The following ARID2 variants were observed in gnomAD, a reference collection of about 807,000 sequenced individuals.
The protein encoded by ARID2 is AT-rich interactive domain-containing protein 2.
ARID2 carries 32 observed loss-of-function variants against 184.6 expected under a neutral mutation model. The ratio of observed to expected loss-of-function variants is 0.17; its 90% confidence interval spans 0.13 to 0.23. The LOEUF (loss-of-function observed/expected upper bound fraction) is 0.23. Ranked by LOEUF, ARID2 falls within the 10% of genes least tolerant of loss-of-function variation. The pLI is 1.00. For synonymous variants in ARID2, 836 were observed against 772.6 expected (o/e 1.08, Z -1.36); for missense variants, 1,696 against 2,197.6 (o/e 0.77, Z 4.56).
intron 10 of ARID2, 37 bp from the exon 11 acceptor site, chr12:45,839,292 T>A (rs749545362): frequency 6.5e-7 from 1 of 1,542,944 alleles, no homozygotes; most frequent in Admixed American, 1.9e-5. Flanking sequence ...ATTTATAATA[T>A]TATTGACTAA....
intron 15 of ARID2, among the ~76,000 whole-genome samples, chr12:45,857,767 C>T (rs564510971): frequency 1.3e-5 from 2 of 152,170 alleles, no homozygotes; most frequent in South Asian, 4.1e-4. Flanking sequence ...CTCTCTCTCT[C>T]TCTTTTTTTT....
chr12:45,859,576 A>G (rs555537166), intron 15 of ARID2, among the ~76,000 whole-genome samples: 1 of 152,336 alleles, frequency 6.6e-6, no homozygotes, highest in South Asian at 2.1e-4. Flanking sequence ...AAGAAATTTA[A>G]CATTAATTTT....
At chr12:45,770,649 A>G (rs543831071) in intron 3 of ARID2, among the ~76,000 whole-genome samples, 1 of 152,318 alleles carries the variant, frequency 6.6e-6, no homozygotes, top group South Asian at 2.1e-4. Flanking sequence ...TCCCTCTCTC[A>G]GTGTGGCTGA....
rs1943537813 is a variant in ARID2 at position 45,850,958 on chromosome 12, A to G, written c.2835A>G (p.Gln945=). 6.2e-7 allele frequency: 1 copy of G among 1,614,154 alleles called. No individual in the cohort carries two copies. Among genetic ancestry groups the G allele is most frequent in the Non-Finnish European group, 8.5e-7 (1 of 1,180,010 alleles). Residue 945 remains glutamine, a synonymous_variant, in exon 15 of 21, where the codon CAA becomes CAG. Coordinates refer to ENST00000334344, the MANE Select transcript of ARID2 (RefSeq NM_152641.4). Reference sequence around the variant, plus strand: ...AAACTTATGCACCAGCCATTCACCAAATTGTTCTTGCTAATCCAGCAGCTC... The same window carrying G: ...AAACTTATGCACCAGCCATTCACCAGATTGTTCTTGCTAATCCAGCAGCTC... ...QGQTYAPAIH[Q]IVLANPAALP...
chr12:45,753,642 G>A (rs987813881), intron 3 of ARID2, among the ~76,000 whole-genome samples: 2 of 151,962 alleles, frequency 1.3e-5, no homozygotes, highest in East Asian at 1.9e-4. Flanking sequence ...TCGCTCTGTC[G>A]CCCAGGCTGG....
chr12:45,844,141 G>A lies in ARID2; in HGVS notation c.1499-2715G>A, dbSNP rs116661549. ...TAGTGTTGAGCTCGGGAGCTCAATC[G>A]ATCCCCCTACCTCAGGCTCCTGAGT... On this transcript the variant is annotated intron_variant, in intron 11 of 20. Transcript: ENST00000334344. 7.3e-3 allele frequency among the ~76,000 whole-genome samples: 1,070 copies of A among 145,864 alleles called. 10 individuals carry two copies. The highest frequency in any genetic ancestry group is 0.026 in the African/African-American group (1,011 of 39,488).
intron 16 of ARID2, among the ~76,000 whole-genome samples, chr12:45,867,095 T>C (rs1943842909): frequency 1.3e-5 from 2 of 151,964 alleles, no homozygotes; most frequent in African/African-American, 2.4e-5. Context: ...GGACTACAGG[T>C]GCGTGCCACC....
At chr12:45,885,122 C>T (rs1200723622) in intron 16 of ARID2, among the ~76,000 whole-genome samples, 1 of 150,542 alleles carries the variant, frequency 6.6e-6, no homozygotes, top group Admixed American at 6.6e-5. Context: ...TTGGGTTAGC[C>T]TCTCACCAAG....
At chr12:45,893,341 T>C in intron 18 of ARID2, 79 bp from the exon 19 acceptor site, 2 of 1,494,182 alleles carry the variant, frequency 1.3e-6, no homozygotes, top group Non-Finnish European at 1.8e-6. Context: ...TTAAAGGGGT[T>C]GGCAGGGTGG....
At chr12:45,791,173 C>T (rs1263665287) in intron 3 of ARID2, among the ~76,000 whole-genome samples, 3 of 151,114 alleles carry the variant, frequency 2.0e-5, no homozygotes, top group Non-Finnish European at 2.9e-5. Flanking sequence ...ACAAGGGTTC[C>T]AGTTTCTTCA....
chr12:45,831,719 C>A lies in ARID2; in HGVS notation c.706-4870C>A, dbSNP rs200436830. On this transcript the variant is annotated intron_variant, in intron 6 of 20. Coordinates refer to ENST00000334344, the MANE Select transcript of ARID2 (RefSeq NM_152641.4). ...TCTCCATGAGTTCAGTTCAGTTGTTCTACAATTTCCTGAGATGTGAATGTT... is the reference window on the plus strand; with the variant it reads ...TCTCCATGAGTTCAGTTCAGTTGTTATACAATTTCCTGAGATGTGAATGTT... Among the ~76,000 whole-genome samples the A allele has an allele frequency of 2.0e-5, 3 of 152,194 alleles. No individual in the cohort carries two copies. In the East Asian group the frequency reaches 5.8e-4, roughly 29 times the overall value.
At position 45,851,138 on chromosome 12, in the gene ARID2, A is replaced by G. The variant is rs759638183; in HGVS notation, c.3015A>G (p.Gln1005=). The G allele has an allele frequency of 6.2e-7, 1 of 1,613,938 alleles. No individual in the cohort carries two copies. The highest frequency in any genetic ancestry group is 1.1e-5 in the South Asian group (1 of 91,078). Residue 1005 remains glutamine (Q), a synonymous_variant, in exon 15 of 21, where the codon CAA becomes CAG. Transcript: ENST00000334344. The part of the protein sequence containing the change: ...QSQGPPPTVS[Q]MLSVKRQQQQ... ...AGGGACCACCTCCTACTGTCAGTCA[A>G]ATGTTATCTGTGAAAAGGCAGCAAC...
In ARID2 at chr12:45,731,261, C is replaced by T; in HGVS notation, c.231C>T (p.Asn77=). The T allele has an allele frequency of 1.9e-6, 3 of 1,614,064 alleles. No individual in the cohort carries two copies. Among genetic ancestry groups the T allele is most frequent in the Non-Finnish European group, 2.5e-6 (3 of 1,179,966 alleles). The change falls in exon 3 of 21, where the codon AAC becomes AAT. Residue 77 remains asparagine, a synonymous_variant. Coordinates refer to ENST00000334344, the MANE Select transcript of ARID2 (RefSeq NM_152641.4). ...GGGGAGAAATTGTTGAAGAGTTCAA[C>T]TTTCCCAGAAGTTGTTCTAACGCTG... ...NQWGEIVEEF[N]FPRSCSNAAF...
chr12:45,743,975 T>C (rs1434013358), intron 3 of ARID2, among the ~76,000 whole-genome samples: 1 of 152,204 alleles, frequency 6.6e-6, no homozygotes, highest in Non-Finnish European at 1.5e-5. Context: ...CTAAATTGTT[T>C]TATAGTTTTG....
intron 15 of ARID2, among the ~76,000 whole-genome samples, chr12:45,856,798 G>A (rs1943659348): frequency 6.6e-6 from 1 of 151,934 alleles, no homozygotes; most frequent in Non-Finnish European, 1.5e-5. Context: ...TTTATATTTA[G>A]TATTTAGCTG....
chr12:45,817,979 A>T, intron 5 of ARID2, 91 bp downstream of exon 5: 1 of 907,326 alleles, frequency 1.1e-6, no homozygotes. Flanking sequence ...GTTTGTCAAC[A>T]TAATAGCATT....
chr12:45,813,045 G>A (rs1942739791), intron 4 of ARID2, among the ~76,000 whole-genome samples: 1 of 152,142 alleles, frequency 6.6e-6, no homozygotes, highest in Admixed American at 6.5e-5. Flanking sequence ...GAAAGTTACT[G>A]ATAGAGCTAC....
At chr12:45,821,248 CAAT>C (rs1309459298) in intron 5 of ARID2, among the ~76,000 whole-genome samples, 169 bp from the exon 6 acceptor site, 1 of 151,932 alleles carries the variant, frequency 6.6e-6, no homozygotes, top group African/African-American at 2.4e-5. Context: ...AATCTAAAAA[CAAT>C]GTATTTCAAA....
chr12:45,757,244 C>T (rs756440343), intron 3 of ARID2, among the ~76,000 whole-genome samples: 4 of 152,164 alleles, frequency 2.6e-5, no homozygotes, highest in African/African-American at 7.2e-5. Flanking sequence ...TACTTAAATA[C>T]TATTTGGAAA....
Sources: gnomAD v4.1 joint callset for allele counts (sites outside exome capture counted in the v4.1 genomes callset) on GRCh38, gnomAD v4.1.1 for gene constraint, MANE v1.5 for transcripts, NCBI Gene and HGNC (gene_info 2026-07-23, HGNC 2026-07-21) for gene names.